Variants in RABGAP1 observed in about 807,000 individuals in gnomAD.
RABGAP1 encodes rab GTPase-activating protein 1.
RABGAP1 carries 23 observed loss-of-function variants against 137.6 expected under a neutral mutation model. That is an observed-to-expected ratio of 0.17 (90% CI 0.12 to 0.24). RABGAP1 has a LOEUF of 0.24. Among genes scored for constraint, RABGAP1 ranks in the 10% least tolerant of loss-of-function variants. RABGAP1 has a pLI of 1.00. For synonymous variants in RABGAP1, 451 were observed against 450.7 expected (o/e 1.00, Z -0.01); for missense variants, 906 against 1,275.8 (o/e 0.71, Z 4.42).
chr9:123,020,859 A>G, intron 13 of RABGAP1: 1 of 856,396 alleles, frequency 1.2e-6, no homozygotes, highest in Non-Finnish European at 1.4e-6. Flanking sequence ...GTAAGAAAAT[A>G]ATTCTTTAAT....
At chr9:122,948,295 G>A (rs1285991046) in intron 1 of RABGAP1, among the ~76,000 whole-genome samples, 1 of 152,098 alleles carries the variant, frequency 6.6e-6, no homozygotes, top group African/African-American at 2.4e-5. Flanking sequence ...CATAGAGGAT[G>A]GATTGGAATT....
rs577474947 is a variant in RABGAP1, at chr9:123,025,543, C to CTTTTTTTTTTTTTTTTTT, written c.1794+5101_1794+5102insTTTTTTTTTTTTTTTTTT. Reference sequence around the variant, plus strand: ...TTTTATTTGTTCAGATCTTTCTTTTCTTTTTTTTTTTTTTTTTGCCTTCAA... The same window carrying CTTTTTTTTTTTTTTTTTT: ...TTTTATTTGTTCAGATCTTTCTTTTCTTTTTTTTTTTTTTTTTTTTTTTTTTTTTTTTTTTGCCTTCAA... On this transcript the variant is annotated intron_variant, in intron 13 of 25. Coordinates refer to ENST00000373647, the MANE Select transcript of RABGAP1 (RefSeq NM_012197.4). 9.5e-4 allele frequency among the ~76,000 whole-genome samples: 71 copies of CTTTTTTTTTTTTTTTTTT among 74,988 alleles called. 4 individuals are homozygous for CTTTTTTTTTTTTTTTTTT. Among genetic ancestry groups the CTTTTTTTTTTTTTTTTTT allele is most frequent in the Middle Eastern group, 0.02 (1 of 50 alleles). 49.2% of individuals were successfully genotyped at this position (74,988 alleles called of 152,430 possible). A position where few individuals can be genotyped will look rare whatever the true frequency, so the allele number is the denominator to read the frequency against.
At chr9:123,091,319 GGAT>G (rs1254245361) in intron 21 of RABGAP1, among the ~76,000 whole-genome samples, 1 of 152,172 alleles carries the variant, frequency 6.6e-6, no homozygotes, top group Non-Finnish European at 1.5e-5. Flanking sequence ...ATGAATTTCA[GGAT>G]GTCCTTGACA....
At chr9:123,054,906 C>T (rs2033629594) in intron 13 of RABGAP1, among the ~76,000 whole-genome samples, 1 of 152,056 alleles carries the variant, frequency 6.6e-6, no homozygotes, top group Non-Finnish European at 1.5e-5. Context: ...ATGCTGTCAG[C>T]GTGACATCAG....
chr9:123,088,557 G>A (rs1204834090), intron 19 of RABGAP1, among the ~76,000 whole-genome samples: 10 of 152,088 alleles, frequency 6.6e-5, no homozygotes, highest in East Asian at 1.9e-4. Context: ...GTGTGGTGTC[G>A]TGTGCCTGTA....
chr9:123,025,381 A>G lies in RABGAP1; in HGVS notation c.1794+4922A>G, dbSNP rs114831518. Reference sequence around the variant, plus strand: ...CTATTCTGCAAATTTAATCTGCCATAAAAACCTTAAAATCTTTTATCCAAT... The same window carrying G: ...CTATTCTGCAAATTTAATCTGCCATGAAAACCTTAAAATCTTTTATCCAAT... On this transcript the variant is annotated intron_variant, in intron 13 of 25. Coordinates refer to ENST00000373647, the MANE Select transcript of RABGAP1 (RefSeq NM_012197.4). Among the ~76,000 whole-genome samples, 445 of 152,266 alleles carry G rather than the reference A, an allele frequency of 2.9e-3. 2 individuals are homozygous for G. The highest frequency in any genetic ancestry group is 0.01 in the African/African-American group (421 of 41,560).
At chr9:123,011,987 T>C (rs1367582148) in intron 11 of RABGAP1, among the ~76,000 whole-genome samples, 2 of 151,972 alleles carry the variant, frequency 1.3e-5, no homozygotes, top group Non-Finnish European at 2.9e-5. Context: ...CAAAAAGAAA[T>C]GGAATCTCAG....
At chr9:123,057,414 G>GAT (rs2033769992) in intron 13 of RABGAP1, among the ~76,000 whole-genome samples, 1 of 151,730 alleles carries the variant, frequency 6.6e-6, no homozygotes. Context: ...CATCCCAGAC[G>GAT]GGGCGGCAGG....
intron 11 of RABGAP1, among the ~76,000 whole-genome samples, chr9:123,012,456 G>A (rs1354323311): frequency 6.6e-6 from 1 of 152,202 alleles, no homozygotes; most frequent in Non-Finnish European, 1.5e-5. Context: ...TAGATTTTGA[G>A]GAATATCTGC....
chr9:122,937,315 G>C (rs769730198), upstream of RABGAP1, among the ~76,000 whole-genome samples: 2 of 152,228 alleles, frequency 1.3e-5, no homozygotes, highest in Non-Finnish European at 2.9e-5. Flanking sequence ...GAACTAACAG[G>C]GCTGGGCGTG....
chr9:123,075,224 T>C (rs1290441480), intron 17 of RABGAP1, among the ~76,000 whole-genome samples: 1 of 152,318 alleles, frequency 6.6e-6, no homozygotes, highest in Admixed American at 6.5e-5. Context: ...TCAGCCTTTT[T>C]TATGTGTTCA....
intron 13 of RABGAP1, among the ~76,000 whole-genome samples, chr9:123,037,725 T>TTG (rs545480959): frequency 1.3e-3 from 193 of 152,190 alleles, no homozygotes; most frequent in African/African-American, 4.2e-3. Flanking sequence ...TCTTATTTTG[T>TTG]TGTGTGTGTA....
chr9:122,976,429 G>A (rs1208563157), intron 2 of RABGAP1, among the ~76,000 whole-genome samples: 1 of 152,138 alleles, frequency 6.6e-6, no homozygotes, highest in African/African-American at 2.4e-5. Context: ...TCTTTGCAGT[G>A]TTCTTATTGT....
intron 13 of RABGAP1, chr9:123,029,249 C>T (rs1243872352): frequency 1.5e-5 from 7 of 474,322 alleles, no homozygotes; most frequent in South Asian, 1.3e-4. Context: ...TTTGGAATGA[C>T]AGTTACATAA....
chr9:123,009,928 T>C (rs1283826781), intron 10 of RABGAP1, among the ~76,000 whole-genome samples: 1 of 152,202 alleles, frequency 6.6e-6, no homozygotes, highest in Non-Finnish European at 1.5e-5. Context: ...GTTTATGTTT[T>C]AGAGTAATTT....
At chr9:123,045,111 T>C (rs1376046025) in intron 13 of RABGAP1, among the ~76,000 whole-genome samples, 2 of 152,224 alleles carry the variant, frequency 1.3e-5, no homozygotes, top group Non-Finnish European at 2.9e-5. Context: ...AATATAAAAG[T>C]AATCATATTT....
chr9:123,035,813 T>A, intron 13 of RABGAP1: 1 of 501,480 alleles, frequency 2.0e-6, no homozygotes, highest in Non-Finnish European at 3.5e-6. Context: ...AAAGTGCTTG[T>A]GAATTAGAAG....
At position 123,096,825 on chromosome 9, in the gene RABGAP1, C is replaced by T. The variant is rs577570185; in HGVS notation, c.2629-916C>T. 6.6e-5 allele frequency among the ~76,000 whole-genome samples: 10 copies of T among 152,344 alleles called. No homozygotes were observed. The South Asian group carries it at 1.0e-3, about 16-fold the overall frequency. Reference sequence around the variant, plus strand: ...CACCTTGTGATCTGCCCACCTTGGCCTCCCAAAGTGCTGGGATTACAGGCG... The same window carrying T: ...CACCTTGTGATCTGCCCACCTTGGCTTCCCAAAGTGCTGGGATTACAGGCG... On this transcript the variant is annotated intron_variant, in intron 21 of 25. Transcript: ENST00000373647.
At chr9:123,060,385 T>C (rs1046459830) in intron 13 of RABGAP1, among the ~76,000 whole-genome samples, 1 of 152,236 alleles carries the variant, frequency 6.6e-6, no homozygotes, top group Admixed American at 6.5e-5. Context: ...TGTTGTTTCA[T>C]GTATTAGAGG....
Sources: gnomAD v4.1 joint callset for allele counts (sites outside exome capture counted in the v4.1 genomes callset) on GRCh38, gnomAD v4.1.1 for gene constraint, MANE v1.5 for transcripts, NCBI Gene and HGNC (gene_info 2026-07-23, HGNC 2026-07-21) for gene names.